AFF3: variants seen among roughly 807,000 people sequenced by gnomAD.
AFF3 encodes the protein AF4/FMR2 family member 3.
AFF3 carries 32 observed loss-of-function variants against 129.7 expected under a neutral mutation model. The ratio of observed to expected loss-of-function variants is 0.25; its 90% CI spans 0.19 to 0.33. The LOEUF (loss-of-function observed/expected upper bound fraction) is 0.33, where lower values mean the gene tolerates loss of function less well. AFF3 is among the 10% of genes least tolerant of loss of function. The probability of loss-of-function intolerance (pLI) is 1.00; values close to 1 mark genes in which losing one functional copy is unlikely to be tolerated. For missense variants in AFF3, 1,373 were observed against 1,592.0 expected, an observed-to-expected ratio of 0.86 and a Z score of 2.34; for synonymous variants, 644 against 635.4, an observed-to-expected ratio of 1.01 and a Z score of -0.20.
chr2:99,863,190 G>A (rs1691129465), intron 7 of AFF3, among the ~76,000 whole-genome samples: 1 of 152,222 alleles, frequency 6.6e-6, no homozygotes, highest in Admixed American at 6.5e-5. Context: ...TTTACAGATG[G>A]ATGTTTCTAT....
At chr2:100,116,261 A>T (rs1013187315) in intron 2 of AFF3, among the ~76,000 whole-genome samples, 1 of 151,974 alleles carries the variant, frequency 6.6e-6, no homozygotes, top group African/African-American at 2.4e-5. Flanking sequence ...TGTAAACAAC[A>T]TATAGCTCTA....
chr2:99,833,888 T>G (rs1354724742), intron 8 of AFF3, among the ~76,000 whole-genome samples: 1 of 152,166 alleles, frequency 6.6e-6, no homozygotes, highest in Non-Finnish European at 1.5e-5. Context: ...TAAGAGAATT[T>G]TGCAATAACA....
At chr2:99,775,334 A>C (rs1683811974) in intron 8 of AFF3, among the ~76,000 whole-genome samples, 1 of 152,256 alleles carries the variant, frequency 6.6e-6, no homozygotes, top group Non-Finnish European at 1.5e-5. Flanking sequence ...GACTGAATAA[A>C]GAAAATGTGG....
intron 11 of AFF3, among the ~76,000 whole-genome samples, chr2:99,694,203 C>T (rs1022126161): frequency 1.3e-5 from 2 of 151,558 alleles, no homozygotes; most frequent in African/African-American, 4.8e-5. Flanking sequence ...TGGCCTCATT[C>T]CTTAATCCTT....
At chr2:99,562,769 C>T (rs988701692) in intron 20 of AFF3, among the ~76,000 whole-genome samples, 1 of 152,204 alleles carries the variant, frequency 6.6e-6, no homozygotes, top group South Asian at 2.1e-4. Flanking sequence ...CTATTTTAAA[C>T]CCAGCCACCC....
In AFF3 at chr2:99,839,417, ACTT is replaced by A. The variant is rs1342797072; in HGVS notation, c.874-1896_874-1894del. Among the ~76,000 whole-genome samples the A allele has an allele frequency of 1.8e-3, 277 of 151,894 alleles. 2 individuals are homozygous for A. Among genetic ancestry groups the A allele is most frequent in the Non-Finnish European group, 4.7e-4 (32 of 67,946 alleles). Reference sequence around the variant, plus strand: ...GAGCCACCGTGCCTGGCCTGTTTTAACTTTTTGAGGAACTGTCAAATTGTTTTC... The same window carrying A: ...GAGCCACCGTGCCTGGCCTGTTTTAATTTGAGGAACTGTCAAATTGTTTTC... On this transcript the variant is annotated intron_variant, in intron 7 of 24. Transcript: ENST00000672756.
chr2:100,086,831 T>A (rs1370779264), intron 4 of AFF3, among the ~76,000 whole-genome samples: 1 of 152,270 alleles, frequency 6.6e-6, no homozygotes, highest in East Asian at 1.9e-4. Flanking sequence ...CACACATTTA[T>A]AAAGGACTTA....
At chr2:99,915,132 T>A (rs1206380814) in intron 7 of AFF3, among the ~76,000 whole-genome samples, 3 of 152,100 alleles carry the variant, frequency 2.0e-5, no homozygotes, top group South Asian at 2.1e-4. Context: ...TTATAGCTTT[T>A]AAGTATGAAA....
At chr2:99,890,876 G>C (rs1362856113) in intron 7 of AFF3, among the ~76,000 whole-genome samples, 1 of 152,102 alleles carries the variant, frequency 6.6e-6, no homozygotes, top group East Asian at 1.9e-4. Flanking sequence ...TCCCCAGGCT[G>C]GTGTCTTCTG....
chr2:99,993,682 G>A (rs1404484026), intron 7 of AFF3, among the ~76,000 whole-genome samples: 1 of 149,002 alleles, frequency 6.7e-6, no homozygotes, highest in Non-Finnish European at 1.5e-5. Context: ...AGCAATTAGA[G>A]AGAAACTAAT....
At chr2:100,015,063 C>G (rs926006015) in intron 4 of AFF3, among the ~76,000 whole-genome samples, 2 of 151,692 alleles carry the variant, frequency 1.3e-5, no homozygotes, top group Non-Finnish European at 2.9e-5. Context: ...CTTGGCCCCC[C>G]AAAGTGCTGG....
intron 7 of AFF3, among the ~76,000 whole-genome samples, chr2:99,838,982 G>A (rs1239441993): frequency 6.6e-6 from 1 of 150,526 alleles, no homozygotes; most frequent in Non-Finnish European, 1.5e-5. Context: ...GGCTTGAAAA[G>A]GTCACACACA....
intron 14 of AFF3, among the ~76,000 whole-genome samples, chr2:99,600,214 C>A (rs745698375): frequency 1.3e-4 from 20 of 151,984 alleles, no homozygotes; most frequent in Non-Finnish European, 2.2e-4. Context: ...GGAAGGAGAG[C>A]GTGGAGAGAT....
intron 7 of AFF3, among the ~76,000 whole-genome samples, chr2:99,979,586 C>T (rs1428594249): frequency 1.3e-5 from 2 of 151,754 alleles, no homozygotes; most frequent in African/African-American, 4.8e-5. Flanking sequence ...TCAAGTGATC[C>T]TCCTGTTTCA....
chr2:99,581,849 T>TG (rs1677586631), intron 17 of AFF3, among the ~76,000 whole-genome samples: 1 of 145,590 alleles, frequency 6.9e-6, no homozygotes, highest in Non-Finnish European at 1.5e-5. Flanking sequence ...CCCTAGGTGT[T>TG]GGAGTTTTTT....
chr2:99,988,009 G>A (rs558174325), intron 7 of AFF3, among the ~76,000 whole-genome samples: 1 of 152,176 alleles, frequency 6.6e-6, no homozygotes, highest in African/African-American at 2.4e-5. Flanking sequence ...GAATAAGAGA[G>A]CATGCCAGCC....
intron 7 of AFF3, among the ~76,000 whole-genome samples, chr2:99,995,567 T>C (rs945852925): frequency 3.9e-5 from 6 of 151,934 alleles, no homozygotes; most frequent in African/African-American, 1.5e-4. Context: ...AGAGATGGGG[T>C]TTCACCATGT....
intron 18 of AFF3, among the ~76,000 whole-genome samples, chr2:99,577,859 TGGCA>T: frequency 6.6e-6 from 1 of 152,352 alleles, no homozygotes; most frequent in East Asian, 1.9e-4. Flanking sequence ...TGAAGGATGA[TGGCA>T]TTTTTCTTCC....
intron 13 of AFF3, among the ~76,000 whole-genome samples, chr2:99,642,526 C>T (rs950507892): frequency 6.6e-6 from 1 of 152,166 alleles, no homozygotes; most frequent in South Asian, 2.1e-4. Context: ...CCCAAAGTTG[C>T]CATTATTTTA....
Sources: allele counts gnomAD v4.1 joint callset (sites outside exome capture counted in the v4.1 genomes callset), GRCh38; gene constraint gnomAD v4.1.1; transcripts MANE v1.5; gene names NCBI Gene and HGNC (gene_info 2026-07-23, HGNC 2026-07-21).